PPP1R12A: variants seen among roughly 807,000 people sequenced by gnomAD.
PPP1R12A encodes myosin binding subunit.
A neutral mutation model predicts 139.6 loss-of-function variants in PPP1R12A; 19 were observed. The ratio of observed to expected loss-of-function variants is 0.14; its 90% CI spans 0.09 to 0.20. The LOEUF is 0.20. Ranked by LOEUF, PPP1R12A falls within the 10% of genes least tolerant of loss-of-function variation. The probability of loss-of-function intolerance (pLI) is 1.00; values close to 1 mark genes in which losing one functional copy is unlikely to be tolerated. For synonymous variants in PPP1R12A, 427 were observed against 420.6 expected (o/e 1.02, Z -0.19); for missense variants, 925 against 1,211.5 (o/e 0.76, Z 3.51).
intron 2 of PPP1R12A, among the ~76,000 whole-genome samples, chr12:79,859,872 C>G (rs1290187255): frequency 6.6e-6 from 1 of 152,196 alleles, no homozygotes; most frequent in Non-Finnish European, 1.5e-5. Flanking sequence ...TATGATCATC[C>G]CACTGCACTC....
At chr12:79,926,780 T>C (rs571429217) in intron 1 of PPP1R12A, among the ~76,000 whole-genome samples, 3 of 152,222 alleles carry the variant, frequency 2.0e-5, no homozygotes, top group East Asian at 3.9e-4. Flanking sequence ...TAAGGGTATA[T>C]AAGGGACTTC....
chr12:79,797,537 A>G, intron 15 of PPP1R12A, 142 bp from the exon 16 acceptor site: 1 of 740,796 alleles, frequency 1.3e-6, no homozygotes, highest in Admixed American at 3.0e-5. Flanking sequence ...TGGAAACAGC[A>G]AGTTACATTC....
rs925008016 is a variant in PPP1R12A, at chr12:79,773,944, T to C, written c.*1985A>G. 1 of 152,206 alleles carries C rather than the reference T, an allele frequency of 6.6e-6. No homozygotes were observed. The highest frequency in any genetic ancestry group is 1.5e-5 in the Non-Finnish European group (1 of 68,014). The allele number at this position is 152,206 out of a possible 1,614,324, so 9.4% of individuals were successfully genotyped here. ...CTCAATACTACCAATAAAATCAATA[T>C]AGCACAGTAGCTGTTCAGTTTTAGA... is the stretch of plus-strand genomic sequence containing the variant. On this transcript the variant is annotated 3_prime_UTR_variant, in exon 25 of 25. Transcript: ENST00000450142.
intron 1 of PPP1R12A, among the ~76,000 whole-genome samples, chr12:79,877,554 C>T (rs1257668138): frequency 1.3e-5 from 2 of 152,150 alleles, no homozygotes; most frequent in East Asian, 1.9e-4. Context: ...CTTGCTCTGT[C>T]GCCCACACTG....
chr12:79,819,817 T>C (rs1875865859), intron 8 of PPP1R12A, among the ~76,000 whole-genome samples: 1 of 152,010 alleles, frequency 6.6e-6, no homozygotes. Context: ...ATGTGCTTGT[T>C]GTCCCAGCTA....
At chr12:79,782,650 G>GA (rs1315219226) in intron 22 of PPP1R12A, 2 of 412,696 alleles carry the variant, frequency 4.8e-6, no homozygotes, top group East Asian at 7.5e-5. Flanking sequence ...GAAAAAAAAA[G>GA]AAAAAAACAG....
intron 1 of PPP1R12A, chr12:79,878,282 G>GTCTT (rs1883309002): frequency 6.6e-6 from 1 of 151,052 alleles, no homozygotes; most frequent in South Asian, 2.1e-4. Context: ...TAACTTCTAT[G>GTCTT]TCTTGCCTCC....
At position 79,786,499 on chromosome 12, in the gene PPP1R12A, G is replaced by A. The variant is rs200660607; in HGVS notation, c.2803-21C>T. The A allele has an allele frequency of 4.9e-6, 7 of 1,442,286 alleles. No homozygotes were observed. The South Asian group carries it at 5.3e-5, about 11-fold the overall frequency. The allele number at this position is 1,442,286 out of a possible 1,614,324, so 89.3% of individuals were successfully genotyped here. On this transcript the variant is annotated intron_variant, in intron 21 of 24. Transcript: ENST00000450142. Reference sequence around the variant, plus strand: ...TAAAGCTATAAAAATTAGGGTAAAAGAACAAATTACTTTTCTGCTCTCCTA... The same window carrying A: ...TAAAGCTATAAAAATTAGGGTAAAAAAACAAATTACTTTTCTGCTCTCCTA...
chr12:79,888,363 C>T (rs562360318), intron 1 of PPP1R12A, among the ~76,000 whole-genome samples: 2 of 152,118 alleles, frequency 1.3e-5, no homozygotes, highest in Non-Finnish European at 2.9e-5. Flanking sequence ...TTGTGAACCA[C>T]TGATACCCAC....
chr12:79,922,506 C>A (rs1335388943), intron 1 of PPP1R12A, among the ~76,000 whole-genome samples: 1 of 152,084 alleles, frequency 6.6e-6, no homozygotes, highest in Non-Finnish European at 1.5e-5. Context: ...GGAATACAGT[C>A]ATAAAAAAGA....
At position 79,805,722 on chromosome 12, in the gene PPP1R12A, C is replaced by G; in HGVS notation, c.1870G>C (p.Asp624His). The G allele has an allele frequency of 2.5e-6, 4 of 1,613,340 alleles. No homozygotes were observed. Among genetic ancestry groups the G allele is most frequent in the Admixed American group, 1.7e-5 (1 of 59,930 alleles). ...ATGGTCACTGCCGTAGGAACACTGT[C>G]CTTTTCTTTCTCAGTACTATCCTCA... is the stretch of plus-strand genomic sequence containing the variant. ...WAEDSTEKEK[D>H]SVPTAVTIPV... The change falls in exon 14 of 25, where the codon GAC becomes CAC. Residue 624 changes from aspartate to histidine, a missense_variant. Around this residue, in one of 4 missense-constraint regions of PPP1R12A, gnomAD observed 403 missense variants for 463.7 expected, o/e 0.87. Transcript: ENST00000450142.
At chr12:79,890,212 T>C (rs755620330) in intron 1 of PPP1R12A, among the ~76,000 whole-genome samples, 3 of 152,180 alleles carry the variant, frequency 2.0e-5, no homozygotes, top group Non-Finnish European at 4.4e-5. Flanking sequence ...ATAAATCTTA[T>C]TTAACAACAA....
intron 1 of PPP1R12A, among the ~76,000 whole-genome samples, chr12:79,901,910 C>T (rs933465229): frequency 2.0e-5 from 3 of 151,848 alleles, no homozygotes; most frequent in Non-Finnish European, 4.4e-5. Flanking sequence ...ACTTAAAGAA[C>T]GAATAGGAGT....
At chr12:79,790,782 A>C (rs2137005966) in intron 19 of PPP1R12A, among the ~76,000 whole-genome samples, 1 of 152,312 alleles carries the variant, frequency 6.6e-6, no homozygotes, top group South Asian at 2.1e-4. Context: ...TAATAAGGTA[A>C]AACAGTCTTA....
rs144581513 is a variant in PPP1R12A, at chr12:79,891,127, G to C, written c.238-18189C>G. ...AGAAAGAGCAAAGATATGTATAAGAGAGACTGAGAACCTAGTAATTATTCA... is the reference window on the plus strand; with the variant it reads ...AGAAAGAGCAAAGATATGTATAAGACAGACTGAGAACCTAGTAATTATTCA... On this transcript the variant is annotated intron_variant, in intron 1 of 24. Transcript: ENST00000450142. 9.8e-4 allele frequency among the ~76,000 whole-genome samples: 149 copies of C among 152,166 alleles called. 4 individuals are homozygous for C. In the East Asian group the frequency reaches 0.025, roughly 25 times the overall value.
intron 3 of PPP1R12A, 120 bp downstream of exon 3, chr12:79,845,182 A>C: frequency 1.4e-6 from 1 of 719,398 alleles, no homozygotes; most frequent in South Asian, 1.8e-5. Flanking sequence ...TTGTTTTGCA[A>C]GCTGAATTCA....
chr12:79,798,640 A>G (rs1219528876), intron 14 of PPP1R12A, 56 bp from the exon 15 acceptor site: 3 of 946,394 alleles, frequency 3.2e-6, no homozygotes, highest in Non-Finnish European at 4.8e-6. Flanking sequence ...GTGAATGTAA[A>G]TATCTATCAA....
chr12:79,850,043 G>A (rs1318980361), intron 2 of PPP1R12A, among the ~76,000 whole-genome samples: 1 of 151,996 alleles, frequency 6.6e-6, no homozygotes, highest in African/African-American at 2.4e-5. Context: ...GCCCAGGCTG[G>A]TCCCAAACTC....
intron 1 of PPP1R12A, among the ~76,000 whole-genome samples, chr12:79,923,784 T>C (rs1887624447): frequency 6.6e-6 from 1 of 152,226 alleles, no homozygotes; most frequent in South Asian, 2.1e-4. Context: ...GGCTCACGCC[T>C]GTAATCGCAG....
Sources: allele counts gnomAD v4.1 joint callset (sites outside exome capture counted in the v4.1 genomes callset), GRCh38; gene constraint gnomAD v4.1.1; regional missense constraint gnomAD v4.1.1; transcripts MANE v1.5; gene names NCBI Gene and HGNC (gene_info 2026-07-23, HGNC 2026-07-21).